The following KMT2D variants were observed in gnomAD, a reference collection of about 807,000 sequenced individuals.
The protein encoded by KMT2D is lysine methyltransferase 2D, also known as histone-lysine N-methyltransferase 2D.
Under a neutral mutation model 512.7 loss-of-function variants are expected in KMT2D, and 55 were observed. The observed-to-expected ratio is 0.11, with a 90% confidence interval of 0.09 to 0.13. The LOEUF (loss-of-function observed/expected upper bound fraction) is 0.13. KMT2D is among the 10% of genes least tolerant of loss of function. The pLI is 1.00. For synonymous variants in KMT2D, 2,995 were observed against 2,904.0 expected (o/e 1.03, Z -1.01); for missense variants, 6,061 against 7,127.9 (o/e 0.85, Z 5.39).
At position 49,032,444 on chromosome 12, in the gene KMT2D, G is replaced by A. The variant is rs727503982; in HGVS notation, c.12261C>T (p.Ser4087=). Residue 4087 remains serine (S), a synonymous_variant, in exon 40 of 55, where the codon AGC becomes AGT. Transcript: ENST00000301067. ...TCAGAGGTGGCTGCAGCTGCAGAGA[G>A]CTGGGCTGAGGCTGGGGCTGGGGTT... ...LVQPQPQPQP[S]SLQLQPPLRL... 1 of 1,572,750 alleles carries A rather than the reference G, an allele frequency of 6.4e-7. No homozygotes were observed. The highest frequency in any genetic ancestry group is 1.2e-5 in the South Asian group (1 of 86,710).
chr12:49,029,622 G>T (rs1017577230), intron 43 of KMT2D, 146 bp from the exon 44 acceptor site: 51 of 610,196 alleles, frequency 8.4e-5, no homozygotes, highest in Non-Finnish European at 5.3e-5. Flanking sequence ...GGCAAACAAG[G>T]TATATTTATT....
In KMT2D at chr12:49,022,853, T is replaced by C; in HGVS notation, c.16075A>G (p.Ser5359Gly). ...YKRPHTLNST[S>G]MSKAYQSTFT... ...GTGCTCTGATATGCCTTAGACATGC[T>C]GGTGCTGTTCAGGGTATGGGGCCTG... The change falls in exon 52 of 55, where the codon AGC becomes GGC. Residue 5359 changes from serine to glycine, a missense_variant. This residue lies in a region of KMT2D where 261 missense variants were observed against 440.7 expected (regional missense o/e 0.59). Transcript: ENST00000301067. The surrounding 1 kb of genome is among the most constrained non-coding windows in gnomAD (Gnocchi z 8.6). The C allele has an allele frequency of 6.2e-7, 1 of 1,607,750 alleles. No individual in the cohort carries two copies. Among genetic ancestry groups the C allele is most frequent in the Non-Finnish European group, 8.5e-7 (1 of 1,175,458 alleles).
chr12:49,025,012 C>A (rs1942505092), intron 49 of KMT2D, 66 bp from the exon 50 acceptor site: 3 of 1,536,688 alleles, frequency 2.0e-6, no homozygotes, highest in African/African-American at 1.4e-5. Context: ...AGTCCCTAAC[C>A]CCAATCCAGA....
At position 49,022,859 on chromosome 12, in the gene KMT2D, T is replaced by C; in HGVS notation, c.16069A>G (p.Ser5357Gly). ...THYKRPHTLN[S>G]TSMSKAYQST... is the part of the protein sequence containing the mutation. ...TGATATGCCTTAGACATGCTGGTGC[T>C]GTTCAGGGTATGGGGCCTGGGAGGT... Residue 5357 changes from serine (S) to glycine (G), a missense_variant, in exon 52 of 55, where the codon AGC becomes GGC. Transcript: ENST00000301067. The surrounding 1 kb of genome is among the most constrained non-coding windows in gnomAD (Gnocchi z 8.6). 6.2e-7 allele frequency: 1 copy of C among 1,604,128 alleles called. No homozygotes were observed. Among genetic ancestry groups the C allele is most frequent in the Non-Finnish European group, 8.5e-7 (1 of 1,173,084 alleles).
chr12:49,020,735 TACCCCCCACCCA>T lies in KMT2D; in HGVS notation c.*1033_*1044del, dbSNP rs566024882. 2.9e-4 allele frequency: 59 copies of T among 205,906 alleles called. No individual in the cohort carries two copies. The highest frequency in any genetic ancestry group is 1.4e-3 in the Admixed American group (24 of 16,840). The allele number at this position is 205,906 out of a possible 1,614,324, so 12.8% of individuals were successfully genotyped here. On this transcript the variant is annotated 3_prime_UTR_variant, in exon 55 of 55. Transcript: ENST00000301067. ...TGCCACTCAGGGATAGCCCTCACCC[TACCCCCCACCCA>T]ACCCGTCCAGGGGCTGGAGGGCAAA... is the stretch of plus-strand genomic sequence containing the variant.
chr12:49,059,505 C>T (rs1938610076), intron 1 of KMT2D, 108 bp downstream of exon 1: 1 of 152,716 alleles, frequency 6.5e-6, no homozygotes, highest in Non-Finnish European at 1.5e-5. Flanking sequence ...CTCCCCAGCT[C>T]TGGCACCCCC....
At position 49,037,234 on chromosome 12, in the gene KMT2D, C is replaced by G. The variant is rs2120476086; in HGVS notation, c.10122G>C (p.Gln3374His). The change falls in exon 35 of 55, where the codon CAG (glutamine) becomes CAC (histidine). Residue 3374 changes from glutamine (Q) to histidine (H), a missense_variant. Physicochemically the swap from Gln to His is conservative, Grantham distance 24. Coordinates refer to ENST00000301067, the MANE Select transcript of KMT2D (RefSeq NM_003482.4). ...QAGLVPQQSS[Q>H]PVLSQKPMGT... The stretch of plus-strand genomic sequence containing the variant: ...CCATGGGCTTCTGTGATAGCACTGG[C>G]TGTGAGCTCTGCTGGGGTACCAAGC... The G allele has an allele frequency of 6.2e-7, 1 of 1,613,606 alleles. No individual in the cohort carries two copies. Among genetic ancestry groups the G allele is most frequent in the Non-Finnish European group, 8.5e-7 (1 of 1,179,770 alleles).
chr12:49,042,796 A>G lies in KMT2D; in HGVS notation c.5727T>C (p.Cys1909=). 6.2e-7 allele frequency: 1 copy of G among 1,613,996 alleles called. No individual in the cohort carries two copies. The highest frequency in any genetic ancestry group is 8.5e-7 in the Non-Finnish European group (1 of 1,179,850). Residue 1909 remains cysteine (C), a synonymous_variant, in exon 27 of 55, where the codon TGT becomes TGC. Transcript: ENST00000301067. The surrounding 1 kb of genome is among the most constrained non-coding windows in gnomAD (Gnocchi z 4.4). The stretch of plus-strand genomic sequence containing the variant: ...GGCTGCCTTCTAGGCCAGGGGTTCC[A>G]CAACCCAGATGCTGTTCTCGTTCAG... ...LGSEREQHLG[C]GTPGLEGSRT...
rs2120564260 is a variant in KMT2D, at chr12:49,043,152, C to T, written c.5568G>A (p.Val1856=). ...PEDGGVKASP[V]PSDPEKPGTP... Reference sequence around the variant, plus strand: ...TGCCTGGCTTCTCAGGGTCACTGGGCACTGGGGATGCCTTCACGCCCCCAT... The same window carrying T: ...TGCCTGGCTTCTCAGGGTCACTGGGTACTGGGGATGCCTTCACGCCCCCAT... Residue 1856 remains valine, a synonymous_variant, in exon 26 of 55, where the codon GTG becomes GTA. Coordinates refer to ENST00000301067, the MANE Select transcript of KMT2D (RefSeq NM_003482.4). The T allele has an allele frequency of 6.2e-7, 1 of 1,613,968 alleles. No individual in the cohort carries two copies. The highest frequency in any genetic ancestry group is 2.2e-5 in the East Asian group (1 of 44,894).
rs2120427183 is a variant in KMT2D, at chr12:49,032,005, T to C, written c.12700A>G (p.Ser4234Gly). The part of the protein sequence containing the change: ...ALLMQRQLQQ[S>G]QAVRQTPPYQ... Reference sequence around the variant, plus strand: ...GGTGGGGTCTGGCGTACTGCCTGACTCTGCTGCAGCTGCCGCTGCATGAGG... The same window carrying C: ...GGTGGGGTCTGGCGTACTGCCTGACCCTGCTGCAGCTGCCGCTGCATGAGG... Residue 4234 changes from serine (S) to glycine (G), a missense_variant, in exon 40 of 55, where the codon AGT becomes GGT. This residue lies in a region of KMT2D where 1,600 missense variants were observed against 1,754.9 expected (regional missense o/e 0.91). Transcript: ENST00000301067. The C allele has an allele frequency of 6.2e-7, 1 of 1,604,922 alleles. No individual in the cohort carries two copies. The highest frequency in any genetic ancestry group is 8.5e-7 in the Non-Finnish European group (1 of 1,174,396).
In KMT2D at chr12:49,041,079, G is replaced by A. The variant is rs2120541227; in HGVS notation, c.6691C>T (p.Pro2231Ser). 1 of 1,535,122 alleles carries A rather than the reference G, an allele frequency of 6.5e-7. No individual in the cohort carries two copies. Among genetic ancestry groups the A allele is most frequent in the East Asian group, 2.3e-5 (1 of 44,330 alleles). The change falls in exon 32 of 55, where the codon CCT becomes TCT. Residue 2231 changes from proline to serine, a missense_variant. Pro to Ser is a moderately conservative substitution (Grantham distance 74, BLOSUM62 -1). Coordinates refer to ENST00000301067, the MANE Select transcript of KMT2D (RefSeq NM_003482.4). This position sits in a 1 kb window ranked among gnomAD's most constrained non-coding sequence, Gnocchi z 5.4. ...GAGGGCTGGTGTCTGGGGGTGCCAGGTGGGGTAGTGTGGAATTCCCCTGGC... is the reference window on the plus strand; with the variant it reads ...GAGGGCTGGTGTCTGGGGGTGCCAGATGGGGTAGTGTGGAATTCCCCTGGC... ...GQPGEFHTTP[P>S]GTPRHQPSTP...
rs1301516107 is a variant in KMT2D, at chr12:49,051,729, G to A, written c.1954C>T (p.Arg652Cys). The A allele has an allele frequency of 1.3e-5, 20 of 1,554,708 alleles. No individual in the cohort carries two copies. The highest frequency in any genetic ancestry group is 2.2e-5 in the South Asian group (2 of 89,354). ...GACACCACAGGCAGGGGGGATAGGC[G>A]CGATACCTCAGGTGGGGGGGACATA... ...SPMSPPPEVS[R>C]LSPLPVVSRL... The change falls in exon 11 of 55, where the codon CGC becomes TGC. Residue 652 changes from arginine to cysteine, a missense_variant. Coordinates refer to ENST00000301067, the MANE Select transcript of KMT2D (RefSeq NM_003482.4).
Position 49,040,409 on chromosome 12 carries a change from G to A in KMT2D, c.7361C>T (p.Pro2454Leu), listed in dbSNP as rs2120528629. The A allele has an allele frequency of 1.3e-6, 2 of 1,562,708 alleles. No homozygotes were observed. Among genetic ancestry groups the A allele is most frequent in the Admixed American group, 1.9e-5 (1 of 53,682 alleles). ...TGGGTCACGGGACTGAGGGCGTGAG[G>A]GTGGGCGAGAATAAGGGTCAGGGGA... ...FQSPDPYSRP[P>L]SRPQSRDPFA... The change falls in exon 32 of 55, where the codon CCC becomes CTC. Residue 2454 changes from proline to leucine, a missense_variant. By Grantham distance (98) the Pro-to-Leu change is moderately conservative. This residue lies in a region of KMT2D where 710 missense variants were observed against 647.3 expected (regional missense o/e 1.10). Coordinates refer to ENST00000301067, the MANE Select transcript of KMT2D (RefSeq NM_003482.4).
rs747699522 is a variant in KMT2D, at chr12:49,030,431, C to T, written c.13848G>A (p.Leu4616=). ...YYSQLLTKNN[L]SNPPTPPSSL... is the part of the protein sequence containing the mutation. Reference sequence around the variant, plus strand: ...ACGAGGGTGGTGTCGGCGGGTTACTCAGGTTATTCTGAGGGGTGGGGGGTG... The same window carrying T: ...ACGAGGGTGGTGTCGGCGGGTTACTTAGGTTATTCTGAGGGGTGGGGGGTG... Residue 4616 remains leucine, a synonymous_variant, in exon 43 of 55, where the codon CTG becomes CTA. Transcript: ENST00000301067. 2.1e-6 allele frequency: 3 copies of T among 1,421,604 alleles called. No homozygotes were observed. Among genetic ancestry groups the T allele is most frequent in the South Asian group, 2.6e-5 (2 of 77,672 alleles). The allele number at this position is 1,421,604 out of a possible 1,614,324, so 88.1% of individuals were successfully genotyped here.
intron 14 of KMT2D, 97 bp from the exon 15 acceptor site, chr12:49,048,166 A>G (rs1374862459): frequency 1.4e-5 from 11 of 789,608 alleles, no homozygotes; most frequent in East Asian, 2.6e-5. Flanking sequence ...TTGCGACCAG[A>G]GTCAGGAACC....
Position 49,057,360 on chromosome 12 carries a change from T to C in KMT2D, c.-37-1999A>G, listed in dbSNP as rs181007270. Among the ~76,000 whole-genome samples the C allele has an allele frequency of 2.0e-5, 3 of 152,198 alleles. No individual in the cohort carries two copies. In the East Asian group the frequency reaches 5.8e-4, roughly 29 times the overall value. On this transcript the variant is annotated intron_variant, in intron 1 of 54. Coordinates refer to ENST00000301067, the MANE Select transcript of KMT2D (RefSeq NM_003482.4). The stretch of plus-strand genomic sequence containing the variant: ...AAGAAGTAAAAGGCAACAATGATAA[T>C]ACAGTGGGTAGGAGGAGGGCTGCCT...
At position 49,026,369 on chromosome 12, in the gene KMT2D, A is replaced by G. The variant is rs1315821730; in HGVS notation, c.15597T>C (p.Phe5199=). The G allele has an allele frequency of 1.2e-6, 2 of 1,612,448 alleles. No homozygotes were observed. Among genetic ancestry groups the G allele is most frequent in the Non-Finnish European group, 1.7e-6 (2 of 1,178,540 alleles). ...GQLLPHQMAD[F]HSATALYPVG... ...CGGGATAGAGGGCAGTGGCACTATG[A>G]AAGTCAGCCATCTGGTGAGGCAGCA... The change falls in exon 49 of 55, where the codon TTT becomes TTC. Residue 5199 remains phenylalanine, a synonymous_variant. Coordinates refer to ENST00000301067, the MANE Select transcript of KMT2D (RefSeq NM_003482.4). The surrounding 1 kb of genome is among the most constrained non-coding windows in gnomAD (Gnocchi z 9.6).
chr12:49,042,237 G>A lies in KMT2D; in HGVS notation c.5961C>T (p.Pro1987=). ...GGTTPSTPTT[P]TTEGEGDGLS... is the part of the protein sequence containing the mutation. The stretch of plus-strand genomic sequence containing the variant: ...GTCCGTCGCCCTCACCCTCCGTGGT[G>A]GGGGTTGTGGGGGTGGAGGGCGTGG... The change falls in exon 29 of 55, where the codon CCC becomes CCT. Residue 1987 remains proline, a synonymous_variant. Transcript: ENST00000301067. This position sits in a 1 kb window ranked among gnomAD's most constrained non-coding sequence, Gnocchi z 4.4. 2 of 1,589,976 alleles carry A rather than the reference G, an allele frequency of 1.3e-6. No individual in the cohort carries two copies. The highest frequency in any genetic ancestry group is 1.7e-6 in the Non-Finnish European group (2 of 1,168,518).
Position 49,052,999 on chromosome 12 carries a change from T to C in KMT2D, c.1028A>G (p.Tyr343Cys), listed in dbSNP as rs1322211105. 6 of 1,613,474 alleles carry C rather than the reference T, an allele frequency of 3.7e-6. No individual in the cohort carries two copies. The highest frequency in any genetic ancestry group is 1.7e-5 in the Admixed American group (1 of 59,972). Residue 343 changes from tyrosine (Y) to cysteine (C), a missense_variant, in exon 9 of 55, where the codon TAC (tyrosine) becomes TGC (cysteine). By Grantham distance (194) the Tyr-to-Cys change is radical. Around this residue, in one of 16 missense-constraint regions of KMT2D, gnomAD observed 848 missense variants for 838.5 expected, o/e 1.01. Coordinates refer to ENST00000301067, the MANE Select transcript of KMT2D (RefSeq NM_003482.4). ...TTTGTGACAGCGGTGACAGAGAGAG[T>C]AGTTCTCAAACCACTCCGAGTTGGG... ...LNPNSEWFEN[Y>C]SLCHRCHKAQ...
Sources: allele counts gnomAD v4.1 joint callset (sites outside exome capture counted in the v4.1 genomes callset), GRCh38; gene constraint gnomAD v4.1.1; regional missense constraint gnomAD v4.1.1; non-coding constraint Gnocchi (gnomAD v3.1); transcripts MANE v1.5; gene names NCBI Gene and HGNC (gene_info 2026-07-23, HGNC 2026-07-21).